The following ALG9 variants were observed in gnomAD, a reference collection of about 807,000 sequenced individuals.
ALG9 encodes the protein alpha-1,2-mannosyltransferase ALG9.
ALG9 carries 55 observed loss-of-function variants against 81.8 expected under a neutral mutation model. That is an observed-to-expected ratio of 0.67 (90% CI 0.54 to 0.84). The LOEUF is 0.84. ALG9 is among the 40% of genes least tolerant of loss of function. The pLI, the probability that ALG9 is intolerant of heterozygous loss-of-function variation, is 0.00. For missense variants in ALG9, 629 were observed against 745.0 expected (o/e 0.84, Z 1.81); for synonymous variants, 278 against 274.3 (o/e 1.01, Z -0.13).
chr11:111,857,518 T>C (rs577236272), intron 6 of ALG9, 84 bp downstream of exon 6: 378 of 1,580,548 alleles, frequency 2.4e-4, no homozygotes, highest in Admixed American at 8.4e-4. Context: ...CTTCAGATTC[T>C]ATGCAGACAA....
downstream of ALG9, among the ~76,000 whole-genome samples, chr11:111,781,345 T>C (rs782361971): frequency 4.6e-5 from 7 of 152,228 alleles, no homozygotes; most frequent in African/African-American, 1.2e-4. Flanking sequence ...GGTGCATGCC[T>C]GTAGTCCTAG....
rs1486478006 is a variant in ALG9 at position 111,871,393 on chromosome 11, C to G, written c.90G>C (p.Leu30=). 6 of 1,534,368 alleles carry G rather than the reference C, an allele frequency of 3.9e-6. No homozygotes were observed. In the African/African-American group the frequency reaches 5.5e-5, roughly 14 times the overall value. The part of the protein sequence containing the change: ...TAPAADKLRE[L]LGSREAGGAE... ...CGCCGCCCGCCTCTCGGCTGCCCAG[C>G]AGCTCCCGCAGCTTGTCCGCAGCCG... The change falls in exon 1 of 15, where the codon CTG becomes CTC. Residue 30 remains leucine (L), a synonymous_variant. Transcript: ENST00000616540.
At chr11:111,825,551 C>A (rs1046505978) in intron 13 of ALG9, among the ~76,000 whole-genome samples, 1 of 152,174 alleles carries the variant, frequency 6.6e-6, no homozygotes, top group Non-Finnish European at 1.5e-5. Flanking sequence ...CCTTCCTCAG[C>A]CAGAAAATTC....
chr11:111,863,929 A>T (rs375953852), intron 4 of ALG9, among the ~76,000 whole-genome samples: 2 of 152,232 alleles, frequency 1.3e-5, no homozygotes, highest in African/African-American at 4.8e-5. Context: ...AATGAATGAT[A>T]TAAGGATATG....
intron 8 of ALG9, among the ~76,000 whole-genome samples, chr11:111,846,604 C>T (rs1208013680): frequency 6.6e-6 from 1 of 152,154 alleles, no homozygotes; most frequent in East Asian, 1.9e-4. Flanking sequence ...AGGCTGTGAA[C>T]ATTTCATAAC....
At chr11:111,860,505 CTGG>C (rs1566202428) in intron 5 of ALG9, 39 bp downstream of exon 5, 2 of 1,543,256 alleles carry the variant, frequency 1.3e-6, no homozygotes, top group Non-Finnish European at 1.8e-6. Flanking sequence ...TTTTACTTAC[CTGG>C]TGATGACCTG....
In ALG9 at chr11:111,871,382, C is replaced by A. The variant is rs1964246747; in HGVS notation, c.101G>T (p.Arg34Leu). ...ADKLRELLGSREAGGAEHRTE... is the reference protein window; with the variant it reads ...ADKLRELLGSLEAGGAEHRTE... Reference sequence around the variant, plus strand: ...CCGGTGCTCCGCGCCGCCCGCCTCTCGGCTGCCCAGCAGCTCCCGCAGCTT... The same window carrying A: ...CCGGTGCTCCGCGCCGCCCGCCTCTAGGCTGCCCAGCAGCTCCCGCAGCTT... Residue 34 changes from arginine to leucine, a missense_variant, in exon 1 of 15, where the codon CGA becomes CTA. Around this residue, in one of 3 missense-constraint regions of ALG9, gnomAD observed 344 missense variants for 390.5 expected, o/e 0.88. Coordinates refer to ENST00000616540, the MANE Select transcript of ALG9 (RefSeq NM_024740.2). 1.2e-5 allele frequency: 18 copies of A among 1,533,490 alleles called. No homozygotes were observed. Among genetic ancestry groups the A allele is most frequent in the Non-Finnish European group, 1.6e-5 (18 of 1,145,806 alleles). 95.0% of individuals were successfully genotyped at this position (1,533,490 alleles called of 1,614,324 possible).
chr11:111,775,077 C>G, the ALG9 span, among the ~76,000 whole-genome samples: 3 of 152,120 alleles, frequency 2.0e-5, no homozygotes, highest in African/African-American at 7.2e-5. Flanking sequence ...CATGAGCCAC[C>G]ACGCCCGGCC....
intron 13 of ALG9, among the ~76,000 whole-genome samples, chr11:111,813,710 A>T (rs1245056799): frequency 6.6e-6 from 1 of 152,230 alleles, no homozygotes; most frequent in Non-Finnish European, 1.5e-5. Context: ...TAGGTACTTT[A>T]TAAGAATAAA....
At chr11:111,791,952 G>A (rs1034105255) in intron 14 of ALG9, among the ~76,000 whole-genome samples, 2 of 152,222 alleles carry the variant, frequency 1.3e-5, no homozygotes, top group Non-Finnish European at 2.9e-5. Context: ...CTGTGGTGGC[G>A]TGCGCCTGTA....
At chr11:111,817,960 A>C (rs533714800) in intron 13 of ALG9, among the ~76,000 whole-genome samples, 1 of 151,542 alleles carries the variant, frequency 6.6e-6, no homozygotes, top group Non-Finnish European at 1.5e-5. Flanking sequence ...TATATTTTTA[A>C]TAGAGACGGG....
At chr11:111,794,179 C>A (rs1555073202) in intron 14 of ALG9, among the ~76,000 whole-genome samples, 1 of 152,232 alleles carries the variant, frequency 6.6e-6, no homozygotes, top group African/African-American at 2.4e-5. Flanking sequence ...TTGCTGACGT[C>A]AATGAATGAC....
chr11:111,858,235 T>C (rs1555145113), intron 5 of ALG9, among the ~76,000 whole-genome samples: 2 of 151,936 alleles, frequency 1.3e-5, no homozygotes, highest in Non-Finnish European at 2.9e-5. Flanking sequence ...GCACCTGGCC[T>C]CTCCTTCCTG....
At chr11:111,770,124 G>A in the ALG9 span, among the ~76,000 whole-genome samples, 4 of 152,020 alleles carry the variant, frequency 2.6e-5, no homozygotes, top group Non-Finnish European at 4.4e-5. Flanking sequence ...GACTGCAGCA[G>A]AAAAAAAGGC....
downstream of ALG9, among the ~76,000 whole-genome samples, chr11:111,779,282 C>T (rs782733852): frequency 4.6e-5 from 7 of 151,928 alleles, no homozygotes; most frequent in Non-Finnish European, 7.4e-5. Flanking sequence ...TTGCAATTCC[C>T]GAGTTAAGAT....
chr11:111,863,840 C>A (rs782580284), intron 4 of ALG9, among the ~76,000 whole-genome samples: 1 of 152,148 alleles, frequency 6.6e-6, no homozygotes, highest in Non-Finnish European at 1.5e-5. Flanking sequence ...AATCATGATC[C>A]TGTATCTTAG....
rs7930208 is a variant in ALG9, at chr11:111,870,740, T to C, written c.132-370A>G. ...TACACTTTAGCTCAATGCATTTATG[T>C]CACTCCATTTATCCCAAGCCAACTA... On this transcript the variant is annotated intron_variant, in intron 1 of 14. Transcript: ENST00000616540. 294,940 of 1,015,798 alleles carry C rather than the reference T, an allele frequency of 0.29. 43,575 individuals are homozygous for C. The highest frequency in any genetic ancestry group is 0.35 in the Admixed American group (5,819 of 16,624). The allele number at this position is 1,015,798 out of a possible 1,614,324, so 62.9% of individuals were successfully genotyped here.
intron 8 of ALG9, among the ~76,000 whole-genome samples, chr11:111,848,543 T>G (rs1216327210): frequency 7.3e-6 from 1 of 136,076 alleles, no homozygotes; most frequent in Non-Finnish European, 1.5e-5. Context: ...GGAGTCGAGG[T>G]CACCCCACTG....
chr11:111,795,054 A>G (rs782055098), intron 14 of ALG9, among the ~76,000 whole-genome samples: 1 of 152,002 alleles, frequency 6.6e-6, no homozygotes, highest in Non-Finnish European at 1.5e-5. Flanking sequence ...GTGACTTACA[A>G]CCCTGTTATC....
Sources: gnomAD v4.1 joint callset for allele counts (sites outside exome capture counted in the v4.1 genomes callset) on GRCh38, gnomAD v4.1.1 for gene constraint, gnomAD v4.1.1 regional missense constraint, MANE v1.5 for transcripts, NCBI Gene and HGNC (gene_info 2026-07-23, HGNC 2026-07-21) for gene names.